Variants in ARHGAP24 observed in about 807,000 individuals in gnomAD.
ARHGAP24 encodes rho GTPase-activating protein 24.
ARHGAP24 carries 50 observed loss-of-function variants against 76.4 expected under a neutral mutation model. The ratio of observed to expected loss-of-function variants is 0.65; its 90% CI spans 0.52 to 0.83. The LOEUF is 0.83. ARHGAP24 is among the 40% of genes least tolerant of loss of function. The pLI is 0.00. For synonymous variants in ARHGAP24, 345 were observed against 323.3 expected (o/e 1.07, Z -0.72); for missense variants, 930 against 914.2 (o/e 1.02, Z -0.22).
chr4:85,546,226 T>C (rs997688148), intron 1 of ARHGAP24, among the ~76,000 whole-genome samples: 1 of 152,100 alleles, frequency 6.6e-6, no homozygotes, highest in Admixed American at 6.5e-5. Flanking sequence ...TGCTATATTA[T>C]TTATTAAATA....
At chr4:85,569,093 T>C (rs534506213) in intron 1 of ARHGAP24, among the ~76,000 whole-genome samples, 58 of 152,306 alleles carry the variant, frequency 3.8e-4, no homozygotes, top group African/African-American at 1.4e-3. Flanking sequence ...CTTCATGGAA[T>C]TTATAAGTAG....
intron 3 of ARHGAP24, among the ~76,000 whole-genome samples, chr4:85,794,780 C>G (rs55982788): frequency 0.22 from 33,545 of 152,202 alleles, 4,156 homozygotes; most frequent in African/African-American, 0.33. Flanking sequence ...TGCACCCGAC[C>G]TGCAAATCCT....
chr4:85,816,727 T>C (rs1729256483), intron 3 of ARHGAP24, among the ~76,000 whole-genome samples: 1 of 152,170 alleles, frequency 6.6e-6, no homozygotes, highest in African/African-American at 2.4e-5. Flanking sequence ...GCAATAAACA[T>C]GGGAGTGCAC....
intron 1 of ARHGAP24, among the ~76,000 whole-genome samples, chr4:85,502,487 T>C: frequency 6.6e-6 from 1 of 152,224 alleles, no homozygotes; most frequent in African/African-American, 2.4e-5. Context: ...TTGTAGTAAT[T>C]GTGAATAGGA....
At chr4:85,619,076 T>G (rs1720625006) in intron 2 of ARHGAP24, among the ~76,000 whole-genome samples, 1 of 152,146 alleles carries the variant, frequency 6.6e-6, no homozygotes, top group Non-Finnish European at 1.5e-5. Context: ...TATGTTTTCT[T>G]CTAGTGGTTT....
In ARHGAP24 at chr4:85,570,432, T is replaced by TC. The variant is rs1191681378; in HGVS notation, c.-20-90_-20-89insC. The TC allele has an allele frequency of 1.5e-3, 606 of 411,574 alleles. 16 individuals carry two copies. The highest frequency in any genetic ancestry group is 2.5e-3 in the Middle Eastern group (7 of 2,848). 25.5% of individuals were successfully genotyped at this position (411,574 alleles called of 1,614,324 possible). On this transcript the variant is annotated intron_variant, in intron 1 of 9. Transcript: ENST00000395184. ...TTTCTTTCTTTCCTCTCTCTCTCTC[T>TC]TTTTTTTTTTCTGGAGAAGAGTGGT...
intron 3 of ARHGAP24, among the ~76,000 whole-genome samples, chr4:85,760,914 C>A (rs930370191): frequency 1.3e-5 from 2 of 152,168 alleles, no homozygotes; most frequent in Non-Finnish European, 1.5e-5. Flanking sequence ...GTTCCAATGG[C>A]TCTCTGAAAA....
rs553293055 is a variant in ARHGAP24 at position 85,549,410 on chromosome 4, T to A, written c.-20-21112T>A. Among the ~76,000 whole-genome samples the A allele has an allele frequency of 1.4e-4, 21 of 151,952 alleles. No individual in the cohort carries two copies. In the South Asian group the frequency reaches 4.2e-3, roughly 30 times the overall value. Reference sequence around the variant, plus strand: ...TGTGCAATTCTCTGATATCTAATGATGCTAGGACTGTTTCATGAGATTATT... The same window carrying A: ...TGTGCAATTCTCTGATATCTAATGAAGCTAGGACTGTTTCATGAGATTATT... On this transcript the variant is annotated intron_variant, in intron 1 of 9. Coordinates refer to ENST00000395184, the MANE Select transcript of ARHGAP24 (RefSeq NM_001025616.3).
At chr4:85,861,313 A>T (rs535043037) in intron 3 of ARHGAP24, among the ~76,000 whole-genome samples, 8 of 152,158 alleles carry the variant, frequency 5.3e-5, no homozygotes, top group Non-Finnish European at 1.2e-4. Context: ...GAGCCGGAAC[A>T]GTGAAAAGAT....
chr4:85,738,118 A>T (rs912750530), intron 3 of ARHGAP24, among the ~76,000 whole-genome samples: 3 of 151,988 alleles, frequency 2.0e-5, no homozygotes, highest in Non-Finnish European at 2.9e-5. Context: ...ACAGAGTTTC[A>T]CCATGTTGGC....
chr4:85,965,664 A>T (rs997240645), intron 5 of ARHGAP24, among the ~76,000 whole-genome samples: 9 of 152,154 alleles, frequency 5.9e-5, no homozygotes, highest in Non-Finnish European at 1.3e-4. Flanking sequence ...TGCATGTGAG[A>T]ATAAAATATC....
At chr4:85,995,989 G>A (rs1473956411) in intron 9 of ARHGAP24, among the ~76,000 whole-genome samples, 4 of 152,140 alleles carry the variant, frequency 2.6e-5, no homozygotes, top group Non-Finnish European at 5.9e-5. Flanking sequence ...GAAGGAGAGG[G>A]GCTGTGAGGA....
intron 3 of ARHGAP24, among the ~76,000 whole-genome samples, chr4:85,746,558 A>C (rs1247331059): frequency 1.3e-5 from 2 of 152,000 alleles, no homozygotes; most frequent in African/African-American, 4.8e-5. Context: ...ATGTCCTTGG[A>C]GGCAGGGGCT....
intron 2 of ARHGAP24, among the ~76,000 whole-genome samples, chr4:85,574,977 GGCTCTCA>G (rs1727312552): frequency 6.6e-6 from 1 of 152,208 alleles, no homozygotes; most frequent in African/African-American, 2.4e-5. Context: ...GGTGCCTCAA[GGCTCTCA>G]GCTCTCTGGA....
chr4:85,809,005 C>T (rs1475172213), intron 3 of ARHGAP24, among the ~76,000 whole-genome samples: 3 of 152,130 alleles, frequency 2.0e-5, no homozygotes, highest in Admixed American at 2.0e-4. Flanking sequence ...TCCCACCTTT[C>T]ATCCAATTTA....
At chr4:85,974,631 A>G (rs188851782) in intron 6 of ARHGAP24, among the ~76,000 whole-genome samples, 1 of 152,318 alleles carries the variant, frequency 6.6e-6, no homozygotes, top group African/African-American at 2.4e-5. Flanking sequence ...AATTGTGAGC[A>G]TATGTTAAAA....
chr4:85,570,035 A>G (rs1258032854), intron 1 of ARHGAP24, among the ~76,000 whole-genome samples: 1 of 152,194 alleles, frequency 6.6e-6, no homozygotes, highest in East Asian at 1.9e-4. Context: ...AGTTCTACTT[A>G]GGTTTTTTTT....
At chr4:85,827,328 T>C (rs1729763801) in intron 3 of ARHGAP24, among the ~76,000 whole-genome samples, 1 of 152,184 alleles carries the variant, frequency 6.6e-6, no homozygotes, top group African/African-American at 2.4e-5. Context: ...AGAATTAATT[T>C]GATTTTGGCA....
At chr4:85,750,132 G>A (rs973749585) in intron 3 of ARHGAP24, among the ~76,000 whole-genome samples, 5 of 152,016 alleles carry the variant, frequency 3.3e-5, no homozygotes, top group Non-Finnish European at 5.9e-5. Context: ...TTTTTTGGTA[G>A]GAGAAAATTT....
Sources: allele counts gnomAD v4.1 joint callset (sites outside exome capture counted in the v4.1 genomes callset), GRCh38; gene constraint gnomAD v4.1.1; transcripts MANE v1.5; gene names NCBI Gene and HGNC (gene_info 2026-07-23, HGNC 2026-07-21).